PDIA6: variants seen among roughly 807,000 people sequenced by gnomAD.
PDIA6 encodes the protein protein disulfide-isomerase A6.
In PDIA6, 29 loss-of-function variants were observed where a neutral mutation model predicts 58.4. The observed-to-expected ratio is 0.50, with a 90% CI of 0.37 to 0.68. The LOEUF (loss-of-function observed/expected upper bound fraction) is 0.68, where lower values mean the gene tolerates loss of function less well. PDIA6 is among the 30% of genes least tolerant of loss of function. The pLI is 0.00. For synonymous variants in PDIA6, 192 were observed against 202.6 expected, an observed-to-expected ratio of 0.95 and a Z score of 0.44; for missense variants, 480 against 551.0, an observed-to-expected ratio of 0.87 and a Z score of 1.29.
At chr2:10,813,220 C>A (rs927357641), upstream of PDIA6, among the ~76,000 whole-genome samples, 9 of 152,192 alleles carry the variant, frequency 5.9e-5, no homozygotes, top group Non-Finnish European at 8.8e-5. Flanking sequence ...CTCTTGTGCC[C>A]GACGAATATT....
At chr2:10,823,972 TG>T (rs1414279379) in intron 1 of PDIA6, among the ~76,000 whole-genome samples, 1 of 152,162 alleles carries the variant, frequency 6.6e-6, no homozygotes, top group Non-Finnish European at 1.5e-5. Context: ...AAGCTTCCCA[TG>T]GGGGTCCACT....
At chr2:10,833,554 C>G (rs1458030682), upstream of PDIA6, among the ~76,000 whole-genome samples, 1 of 152,172 alleles carries the variant, frequency 6.6e-6, no homozygotes, top group Non-Finnish European at 1.5e-5. Flanking sequence ...CAGGTAGAGG[C>G]GGCTGGGCCC....
At position 10,832,016 on chromosome 2, in the gene PDIA6, C is replaced by CAAAAAAA. The variant is rs59417410; in HGVS notation, c.-48+179_-48+185dup. Among the ~76,000 whole-genome samples the CAAAAAAA allele has an allele frequency of 9.0e-4, 73 of 81,306 alleles. 3 individuals carry two copies. Among genetic ancestry groups the CAAAAAAA allele is most frequent in the Admixed American group, 1.5e-3 (9 of 5,966 alleles). 53.3% of individuals were successfully genotyped at this position (81,306 alleles called of 152,430 possible). ...TGGGTGACAGAGCAAGACCCTGTCT[C>CAAAAAAA]AAAAAAAAAAAAAAAAAAAAAGAGG... is the stretch of plus-strand genomic sequence containing the variant. On this transcript the variant is annotated intron_variant, in intron 1 of 13. Coordinates refer to the PDIA6 transcript ENST00000381611.
chr2:10,790,805 A>G lies in PDIA6; in HGVS notation c.613T>C (p.Ser205Pro). 1 of 1,614,054 alleles carries G rather than the reference A, an allele frequency of 6.2e-7. No homozygotes were observed. The highest frequency in any genetic ancestry group is 8.5e-7 in the Non-Finnish European group (1 of 1,179,916). ...NLEPEWAAAA[S>P]EVKEQTKGKV... ...CCTTTCGTCTGCTCTTTTACTTCTGAAGCTGCGGCAGCCCACTCTGGCTCT... is the reference window on the plus strand; with the variant it reads ...CCTTTCGTCTGCTCTTTTACTTCTGGAGCTGCGGCAGCCCACTCTGGCTCT... Residue 205 changes from serine to proline, a missense_variant, in exon 7 of 13, where the codon TCA (serine) becomes CCA (proline). Physicochemically the swap from Ser to Pro is moderately conservative, Grantham distance 74 (BLOSUM62 -1). Transcript: ENST00000272227.
intron 1 of PDIA6, among the ~76,000 whole-genome samples, chr2:10,824,550 A>T (rs866294250): frequency 1.4e-4 from 22 of 152,248 alleles, no homozygotes; most frequent in African/African-American, 4.6e-4. Context: ...ATGTGACATA[A>T]ACCAATCAGA....
upstream of PDIA6, among the ~76,000 whole-genome samples, chr2:10,832,923 C>T (rs925603443): frequency 6.6e-5 from 10 of 151,138 alleles, no homozygotes; most frequent in African/African-American, 2.5e-4. Flanking sequence ...TCCCACCCCC[C>T]GCCCCCCCAG....
chr2:10,784,576 TGAG>T (rs1665614009), intron 12 of PDIA6: 1 of 522,832 alleles, frequency 1.9e-6, no homozygotes, highest in Non-Finnish European at 3.4e-6. Flanking sequence ...CGTGTCCTTT[TGAG>T]GAGGGTGGGA....
intron 4 of PDIA6, among the ~76,000 whole-genome samples, chr2:10,794,218 C>A (rs138022081): frequency 6.7e-6 from 1 of 150,018 alleles, no homozygotes; most frequent in South Asian, 2.1e-4. Context: ...GGCAGAGGCA[C>A]GTGGAACACC....
chr2:10,809,672 A>AAAAC (rs1666922302), intron 1 of PDIA6, among the ~76,000 whole-genome samples: 3 of 145,146 alleles, frequency 2.1e-5, no homozygotes, highest in Non-Finnish European at 3.0e-5. Context: ...AAAAAAAAAA[A>AAAAC]CCCAAAAAAT....
intron 4 of PDIA6, among the ~76,000 whole-genome samples, chr2:10,794,811 C>A (rs1474909286): frequency 6.6e-6 from 1 of 151,966 alleles, no homozygotes; most frequent in Non-Finnish European, 1.5e-5. Flanking sequence ...TCTGTAATCC[C>A]AGCTACTCAG....
chr2:10,797,136 T>C lies in PDIA6; in HGVS notation c.291A>G (p.Gly97=), dbSNP rs148791433. ...ATCCAAAAATCTTAATGGTAGGAAA[T>C]CCCTGAACACCATACTGACCTCCTA... ...HSLGGQYGVQ[G]FPTIKIFGSN... The change falls in exon 4 of 13, where the codon GGA becomes GGG. Residue 97 remains glycine (G), a synonymous_variant. Transcript: ENST00000272227. 1.5e-5 allele frequency: 24 copies of C among 1,612,958 alleles called. No individual in the cohort carries two copies. In the African/African-American group the frequency reaches 2.3e-4, roughly 15 times the overall value.
At chr2:10,789,621 A>C in intron 8 of PDIA6, 128 bp downstream of exon 8, 1 of 784,346 alleles carries the variant, frequency 1.3e-6, no homozygotes. Context: ...TTCCATTTCA[A>C]AGTATAGAAA....
chr2:10,833,422 T>A (rs929135029), upstream of PDIA6, among the ~76,000 whole-genome samples: 1 of 152,192 alleles, frequency 6.6e-6, no homozygotes, highest in Non-Finnish European at 1.5e-5. Flanking sequence ...GAGCTTGGTG[T>A]GTCCCCACCC....
Position 10,788,747 on chromosome 2 carries a change from A to G in PDIA6, c.948T>C (p.Tyr316=), listed in dbSNP as rs145187402. Residue 316 remains tyrosine (Y), a synonymous_variant, in exon 10 of 13, where the codon TAT becomes TAC. Transcript: ENST00000272227. ...LDTGAAGRNS[Y]LEVLLKLADK... ...CTGCCAACTTCAGAAGAACTTCCAG[A>G]TAAGAATTTCTGCCTGCAGCTCCTG... 7.4e-6 allele frequency: 12 copies of G among 1,613,344 alleles called. No individual in the cohort carries two copies. The African/African-American group carries it at 1.3e-4, about 18-fold the overall frequency.
At chr2:10,800,156 A>G (rs1666443104) in intron 2 of PDIA6, among the ~76,000 whole-genome samples, 1 of 152,168 alleles carries the variant, frequency 6.6e-6, no homozygotes, top group Admixed American at 6.5e-5. Flanking sequence ...TTCAAACATC[A>G]TTTATGCCCA....
chr2:10,827,012 A>G (rs1734404), intron 1 of PDIA6, among the ~76,000 whole-genome samples: 93,078 of 151,904 alleles, frequency 0.61, 28,964 homozygotes, highest in East Asian at 0.8. Flanking sequence ...TGAGCAGTTC[A>G]TCAAACTTGG....
At chr2:10,786,320 G>A (rs1177353242) in intron 11 of PDIA6, among the ~76,000 whole-genome samples, 1 of 124,518 alleles carries the variant, frequency 8.0e-6, no homozygotes, top group Admixed American at 7.6e-5. Context: ...CTCGGGGGTG[G>A]GGGGGAAAGA....
chr2:10,821,824 A>G (rs1029709144), intron 1 of PDIA6, among the ~76,000 whole-genome samples: 1 of 151,986 alleles, frequency 6.6e-6, no homozygotes, highest in African/African-American at 2.4e-5. Flanking sequence ...GGACCTCACT[A>G]TGTTACCCAG....
chr2:10,784,756 CACTTAA>C (rs1346684390), intron 12 of PDIA6, 172 bp downstream of exon 12: 4 of 575,566 alleles, frequency 6.9e-6, no homozygotes, highest in Non-Finnish European at 1.2e-5. Context: ...TGCCATGCAG[CACTTAA>C]ACTTGTGATA....
Sources: gnomAD v4.1 joint callset for allele counts (sites outside exome capture counted in the v4.1 genomes callset) on GRCh38, gnomAD v4.1.1 for gene constraint, MANE v1.5 for transcripts, NCBI Gene and HGNC (gene_info 2026-07-23, HGNC 2026-07-21) for gene names.